The following CDH4 variants were observed in gnomAD, a reference collection of about 807,000 sequenced individuals.
CDH4 encodes the protein cadherin-4.
In CDH4, 33 loss-of-function variants were observed where a neutral mutation model predicts 86.0. That is an observed-to-expected ratio of 0.38 (90% CI 0.29 to 0.51). The LOEUF (loss-of-function observed/expected upper bound fraction) is 0.51, where lower values mean the gene tolerates loss of function less well. Ranked by LOEUF, CDH4 falls within the 20% of genes least tolerant of loss-of-function variation. The pLI, the probability that CDH4 is intolerant of heterozygous loss-of-function variation, is 0.86. For synonymous variants in CDH4, 555 were observed against 549.4 expected (o/e 1.01, Z -0.14); for missense variants, 1,114 against 1,307.4 (o/e 0.85, Z 2.28).
chr20:61,416,872 G>A (rs189764822), intron 2 of CDH4, among the ~76,000 whole-genome samples: 1 of 152,122 alleles, frequency 6.6e-6, no homozygotes, highest in East Asian at 1.9e-4. Flanking sequence ...TTTTTGAGGG[G>A]GTGAAATCTT....
At chr20:61,287,307 C>G (rs996067783) in intron 2 of CDH4, among the ~76,000 whole-genome samples, 4 of 152,094 alleles carry the variant, frequency 2.6e-5, no homozygotes, top group African/African-American at 9.7e-5. Context: ...GAGACCTGGT[C>G]TCTACACTAA....
chr20:61,663,894 C>T lies in CDH4; in HGVS notation c.170-79669C>T, dbSNP rs1051023512. On this transcript the variant is annotated intron_variant, in intron 2 of 15. Transcript: ENST00000614565. This position sits in a 1 kb window ranked among gnomAD's most constrained non-coding sequence, Gnocchi z 5.0. The stretch of plus-strand genomic sequence containing the variant: ...TGGCCCTCCACACTCCCACCGCTGG[C>T]GCCAGCATCTGTGCCCGCGGCAGTT... 2.0e-5 allele frequency among the ~76,000 whole-genome samples: 3 copies of T among 152,182 alleles called. No individual in the cohort carries two copies. The highest frequency in any genetic ancestry group is 7.2e-5 in the African/African-American group (3 of 41,444).
intron 7 of CDH4, among the ~76,000 whole-genome samples, chr20:61,884,797 G>A (rs1454900199): frequency 6.6e-6 from 1 of 152,204 alleles, no homozygotes; most frequent in Non-Finnish European, 1.5e-5. Context: ...GCCCCGAAGG[G>A]CTGAGGGGTT....
chr20:61,688,299 T>TCTCCCTCCTCCCACCTTCCTC lies in CDH4; in HGVS notation c.170-55253_170-55233dup, dbSNP rs553767618. Among the ~76,000 whole-genome samples the TCTCCCTCCTCCCACCTTCCTC allele has an allele frequency of 8.4e-4, 128 of 152,076 alleles. 3 individuals carry two copies. In the South Asian group the frequency reaches 0.026, roughly 31 times the overall value. ...TTTCTCCAGCTGGGGTCTTTGTCTTTCTCCCTCCTCCCACCTTCCTCCTCC... is the reference window on the plus strand; with the variant it reads ...TTTCTCCAGCTGGGGTCTTTGTCTTTCTCCCTCCTCCCACCTTCCTCCTCCCTCCTCCCACCTTCCTCCTCC... On this transcript the variant is annotated intron_variant, in intron 2 of 15. Coordinates refer to ENST00000614565, the MANE Select transcript of CDH4 (RefSeq NM_001794.5).
intron 6 of CDH4, among the ~76,000 whole-genome samples, chr20:61,855,379 G>C (rs1306855644): frequency 2.0e-5 from 3 of 152,210 alleles, no homozygotes; most frequent in African/African-American, 7.2e-5. Flanking sequence ...ATGGGCAGCT[G>C]GTCCTCAGCC....
At chr20:61,262,735 TTTTCCTCC>T (rs1466081427) in intron 2 of CDH4, among the ~76,000 whole-genome samples, 1 of 151,806 alleles carries the variant, frequency 6.6e-6, no homozygotes, top group Non-Finnish European at 1.5e-5. Flanking sequence ...GGAAAGGGCT[TTTTCCTCC>T]TTACCTCCTT....
chr20:61,747,445 CAAA>C (rs11302958), intron 3 of CDH4, among the ~76,000 whole-genome samples: 6 of 75,482 alleles, frequency 7.9e-5, no homozygotes, highest in South Asian at 4.5e-4. Flanking sequence ...GACTCTGTCT[CAAA>C]AAAAAAAAAA....
intron 2 of CDH4, among the ~76,000 whole-genome samples, chr20:61,388,047 A>C (rs1257823410): frequency 6.6e-6 from 1 of 152,252 alleles, no homozygotes; most frequent in Non-Finnish European, 1.5e-5. Context: ...TTTGCATTCA[A>C]TGTTGATAAG....
chr20:61,614,127 C>T (rs952825974), intron 2 of CDH4, among the ~76,000 whole-genome samples: 6 of 152,038 alleles, frequency 3.9e-5, no homozygotes, highest in Admixed American at 6.5e-5. Context: ...GCAAGTGTTA[C>T]GAGTGTCTCT....
chr20:61,313,990 C>G (rs969954739), intron 2 of CDH4, among the ~76,000 whole-genome samples: 1 of 152,192 alleles, frequency 6.6e-6, no homozygotes, highest in Non-Finnish European at 1.5e-5. Context: ...GCACCTTGGC[C>G]TCCCAAAGTG....
chr20:61,504,698 G>A (rs1293114191), intron 2 of CDH4, among the ~76,000 whole-genome samples: 2 of 152,252 alleles, frequency 1.3e-5, no homozygotes, highest in Non-Finnish European at 2.9e-5. Flanking sequence ...GGACGTTGCA[G>A]TGACAGCGTC....
At chr20:61,906,534 T>A (rs1004944983) in intron 8 of CDH4, among the ~76,000 whole-genome samples, 18 of 152,200 alleles carry the variant, frequency 1.2e-4, no homozygotes, top group African/African-American at 4.3e-4. Context: ...GCCAGCAGGT[T>A]TTCACTCAAG....
intron 2 of CDH4, among the ~76,000 whole-genome samples, chr20:61,448,852 T>C (rs1379405822): frequency 6.6e-6 from 1 of 151,970 alleles, no homozygotes; most frequent in Non-Finnish European, 1.5e-5. Context: ...TCGAGGTTAG[T>C]GATGGGGAAA....
At chr20:61,368,270 C>G (rs1027499738) in intron 2 of CDH4, among the ~76,000 whole-genome samples, 2 of 152,174 alleles carry the variant, frequency 1.3e-5, no homozygotes. Context: ...TTTTATGTTC[C>G]TGTGTTGAAA....
At chr20:61,819,753 C>G (rs993927780) in intron 4 of CDH4, among the ~76,000 whole-genome samples, 1 of 152,190 alleles carries the variant, frequency 6.6e-6, no homozygotes, top group Non-Finnish European at 1.5e-5. Context: ...CCCTTCTTCC[C>G]AGCTTTGTGA....
intron 2 of CDH4, among the ~76,000 whole-genome samples, chr20:61,486,974 G>A (rs571930373): frequency 2.0e-4 from 30 of 152,284 alleles, no homozygotes; most frequent in Admixed American, 5.2e-4. Flanking sequence ...TTTTATTCTC[G>A]TGTGTACCCA....
At chr20:61,927,111 T>C (rs1387587062) in intron 11 of CDH4, among the ~76,000 whole-genome samples, 1 of 152,240 alleles carries the variant, frequency 6.6e-6, no homozygotes. Context: ...TTGACGCAGC[T>C]TCCGGAAGAT....
chr20:61,462,662 T>G lies in CDH4; in HGVS notation c.169+207725T>G, dbSNP rs780479412. Among the ~76,000 whole-genome samples, 3 of 152,178 alleles carry G rather than the reference T, an allele frequency of 2.0e-5. No homozygotes were observed. In the South Asian group the frequency reaches 6.2e-4, roughly 31 times the overall value. On this transcript the variant is annotated intron_variant, in intron 2 of 15. Transcript: ENST00000614565. Reference sequence around the variant, plus strand: ...CATGCCTGGGAGGACACTCAGCTCATTGGGGCTCCCCCCTCTCCCTCCTTC... The same window carrying G: ...CATGCCTGGGAGGACACTCAGCTCAGTGGGGCTCCCCCCTCTCCCTCCTTC...
At chr20:61,785,030 C>T (rs138296644) in intron 4 of CDH4, among the ~76,000 whole-genome samples, 14 of 152,290 alleles carry the variant, frequency 9.2e-5, no homozygotes, top group African/African-American at 2.6e-4. Context: ...AAGCTGTGGC[C>T]GACGCTTGGG....
Sources: gnomAD v4.1 joint callset for allele counts (sites outside exome capture counted in the v4.1 genomes callset) on GRCh38, gnomAD v4.1.1 for gene constraint, Gnocchi (gnomAD v3.1) non-coding constraint, MANE v1.5 for transcripts, NCBI Gene and HGNC (gene_info 2026-07-23, HGNC 2026-07-21) for gene names.